ARHGEF4: variants seen among roughly 807,000 people sequenced by gnomAD.
ARHGEF4 encodes Rho guanine nucleotide exchange factor 4.
ARHGEF4 carries 119 observed loss-of-function variants against 162.0 expected under a neutral mutation model. The observed-to-expected ratio is 0.73, with a 90% CI of 0.63 to 0.86. The LOEUF (loss-of-function observed/expected upper bound fraction) is 0.86. Ranked by LOEUF, ARHGEF4 falls within the 40% of genes least tolerant of loss-of-function variation. ARHGEF4 has a pLI of 0.00. For missense variants in ARHGEF4, 2,488 were observed against 2,456.0 expected, an observed-to-expected ratio of 1.01 and a Z score of -0.28; for synonymous variants, 1,014 against 979.9, an observed-to-expected ratio of 1.03 and a Z score of -0.65.
intron 5 of ARHGEF4, among the ~76,000 whole-genome samples, chr2:131,034,317 G>A (rs753049068): frequency 3.3e-5 from 5 of 152,202 alleles, no homozygotes; most frequent in Non-Finnish European, 5.9e-5. Flanking sequence ...CTGTACCTGG[G>A]CTGTCATTCT....
rs112458351 is a variant in ARHGEF4 at position 130,991,277 on chromosome 2, G to T, written c.3986-36668G>T. ...TTATTAGCAGTATTGAGAGGTGACA[G>T]AGTGCTGGCAGTCCTCACAGCCCTC... On this transcript the variant is annotated intron_variant, in intron 4 of 13. Coordinates refer to ENST00000409359, the MANE Select transcript of ARHGEF4 (RefSeq NM_001367493.1). 1.0e-3 allele frequency among the ~76,000 whole-genome samples: 154 copies of T among 152,394 alleles called. 1 individual carries two copies. The highest frequency in any genetic ancestry group is 3.1e-3 in the African/African-American group (130 of 41,598).
chr2:131,036,494 C>G (rs1690295605), intron 5 of ARHGEF4, among the ~76,000 whole-genome samples: 1 of 152,200 alleles, frequency 6.6e-6, no homozygotes. Flanking sequence ...TGGGGCTTGT[C>G]CCTAATGGTG....
intron 4 of ARHGEF4, among the ~76,000 whole-genome samples, chr2:131,025,983 A>G (rs1042477252): frequency 2.6e-5 from 4 of 152,162 alleles, no homozygotes; most frequent in Admixed American, 6.5e-5. Flanking sequence ...TCCTCACGTA[A>G]CATAACATAT....
chr2:130,936,333 T>G (rs949787886), intron 3 of ARHGEF4, among the ~76,000 whole-genome samples: 2 of 152,226 alleles, frequency 1.3e-5, no homozygotes, highest in Non-Finnish European at 2.9e-5. Context: ...CGATTTTTGT[T>G]GCTCAGTTTG....
intron 1 of ARHGEF4, among the ~76,000 whole-genome samples, chr2:130,902,738 T>C (rs1364558073): frequency 1.3e-5 from 2 of 152,166 alleles, no homozygotes; most frequent in Non-Finnish European, 2.9e-5. Context: ...CCAGCGTGAG[T>C]GCATGCAGAG....
chr2:130,967,978 C>T (rs899465646), intron 4 of ARHGEF4, among the ~76,000 whole-genome samples: 3 of 152,190 alleles, frequency 2.0e-5, no homozygotes, highest in African/African-American at 7.2e-5. Flanking sequence ...GATAAGTTCC[C>T]CAAGCCTTGG....
At chr2:130,913,866 A>G (rs1681338370) in intron 1 of ARHGEF4, 120 bp from the exon 2 acceptor site, 14 of 1,214,678 alleles carry the variant, frequency 1.2e-5, no homozygotes, top group African/African-American at 1.5e-5. Context: ...CTAGGGGTAC[A>G]TGGGGAACTA....
At chr2:130,957,716 G>T (rs1457291373) in intron 4 of ARHGEF4, among the ~76,000 whole-genome samples, 1 of 152,054 alleles carries the variant, frequency 6.6e-6, no homozygotes. Flanking sequence ...CTTCATGAAT[G>T]GGATTAGTTC....
In ARHGEF4 at chr2:131,045,378, T is replaced by C; in HGVS notation, c.5411T>C (p.Ile1804Thr). ...VQLDQETGFS[I>T]TELQRKQAML... ...TGTGCCCCTTCCTCAGGCTTCTCCA[T>C]CACTGAACTGCAGAGGAAGCAGGCC... The change falls in exon 13 of 14, where the codon ATC becomes ACC. Residue 1804 changes from isoleucine to threonine, a missense_variant. This residue lies in a region of ARHGEF4 where 415 missense variants were observed against 512.4 expected (regional missense o/e 0.81). Coordinates refer to ENST00000409359, the MANE Select transcript of ARHGEF4 (RefSeq NM_001367493.1). The C allele has an allele frequency of 6.2e-7, 1 of 1,613,198 alleles. No individual in the cohort carries two copies. The highest frequency in any genetic ancestry group is 8.5e-7 in the Non-Finnish European group (1 of 1,179,844).
chr2:130,931,744 G>A (rs1215758022), intron 3 of ARHGEF4, among the ~76,000 whole-genome samples: 2 of 152,160 alleles, frequency 1.3e-5, no homozygotes, highest in Non-Finnish European at 2.9e-5. Flanking sequence ...GCATGAAACC[G>A]ACAGCCTACT....
rs192464848 is a variant in ARHGEF4, at chr2:130,977,140, T to C, written c.3985+30505T>C. On this transcript the variant is annotated intron_variant, in intron 4 of 13. Coordinates refer to ENST00000409359, the MANE Select transcript of ARHGEF4 (RefSeq NM_001367493.1). ...GTGATGTGTTTGTGTGATGTCTGTGTATGTTAGTGTGTAGCGTGTTGTGCT... is the reference window on the plus strand; with the variant it reads ...GTGATGTGTTTGTGTGATGTCTGTGCATGTTAGTGTGTAGCGTGTTGTGCT... Among the ~76,000 whole-genome samples, 704 of 151,758 alleles carry C rather than the reference T, an allele frequency of 4.6e-3. 3 individuals are homozygous for C. Among genetic ancestry groups the C allele is most frequent in the Middle Eastern group, 0.01 (3 of 294 alleles).
At chr2:130,848,771 G>A (rs1284913119) in intron 1 of ARHGEF4, among the ~76,000 whole-genome samples, 1 of 152,212 alleles carries the variant, frequency 6.6e-6, no homozygotes, top group Non-Finnish European at 1.5e-5. Context: ...GAGGGGACAT[G>A]CTTGGTTGTC....
At chr2:131,012,981 C>G (rs1195580641) in intron 4 of ARHGEF4, among the ~76,000 whole-genome samples, 6 of 152,170 alleles carry the variant, frequency 3.9e-5, no homozygotes, top group Non-Finnish European at 8.8e-5. Context: ...TATGTAAAAA[C>G]CACACCTTCA....
At chr2:130,928,791 G>A (rs941790903) in intron 2 of ARHGEF4, among the ~76,000 whole-genome samples, 3 of 151,868 alleles carry the variant, frequency 2.0e-5, no homozygotes, top group South Asian at 2.1e-4. Context: ...GGAATACAAC[G>A]AAGGACAAAA....
intron 1 of ARHGEF4, among the ~76,000 whole-genome samples, chr2:130,848,033 C>T (rs1681120271): frequency 6.6e-6 from 1 of 152,220 alleles, no homozygotes; most frequent in East Asian, 1.9e-4. Flanking sequence ...TGCAGGGGCT[C>T]TTCCAGAGGA....
chr2:130,848,663 G>C (rs1462754051), intron 1 of ARHGEF4, among the ~76,000 whole-genome samples: 2 of 152,168 alleles, frequency 1.3e-5, no homozygotes, highest in Non-Finnish European at 2.9e-5. Context: ...CCAGTGCCGG[G>C]CTTGGAGCTG....
At chr2:130,864,160 T>G (rs906834413) in intron 1 of ARHGEF4, among the ~76,000 whole-genome samples, 5 of 148,420 alleles carry the variant, frequency 3.4e-5, no homozygotes, top group Admixed American at 1.4e-4. Context: ...CTCTCCAGCC[T>G]GGGCGACAGA....
intron 5 of ARHGEF4, chr2:131,035,984 TG>T: frequency 8.2e-6 from 4 of 486,998 alleles, no homozygotes; most frequent in African/African-American, 2.1e-5. Flanking sequence ...GAGTCTCAAA[TG>T]TGCACCTCCA....
At chr2:131,045,616 A>C (rs1382577976) in intron 13 of ARHGEF4, 170 bp downstream of exon 13, 100 of 1,566,602 alleles carry the variant, frequency 6.4e-5, no homozygotes, top group Non-Finnish European at 8.1e-5. Flanking sequence ...CCACTGGGGA[A>C]GCCTGGGTCA....
Sources: allele counts gnomAD v4.1 joint callset (sites outside exome capture counted in the v4.1 genomes callset), GRCh38; gene constraint gnomAD v4.1.1; regional missense constraint gnomAD v4.1.1; transcripts MANE v1.5; gene names NCBI Gene and HGNC (gene_info 2026-07-23, HGNC 2026-07-21).